The following WDFY1 variants were observed in gnomAD, a reference collection of about 807,000 sequenced individuals.
WDFY1 encodes the protein WD repeat and FYVE domain-containing protein 1.
WDFY1 carries 32 observed loss-of-function variants against 56.4 expected under a neutral mutation model. The ratio of observed to expected loss-of-function variants is 0.57; its 90% confidence interval spans 0.43 to 0.76. The LOEUF (loss-of-function observed/expected upper bound fraction) is 0.76, where lower values mean the gene tolerates loss of function less well. Ranked by LOEUF, WDFY1 falls within the 30% of genes least tolerant of loss-of-function variation. WDFY1 has a pLI of 0.00. For missense variants in WDFY1, 480 were observed against 545.7 expected (o/e 0.88, Z 1.20); for synonymous variants, 192 against 197.3 (o/e 0.97, Z 0.23).
At chr2:223,910,797 A>G (rs1356365427) in intron 3 of WDFY1, among the ~76,000 whole-genome samples, 1 of 152,328 alleles carries the variant, frequency 6.6e-6, no homozygotes, top group East Asian at 1.9e-4. Context: ...AGAGCCGGAA[A>G]CCTTGCGTGT....
intron 1 of WDFY1, among the ~76,000 whole-genome samples, chr2:223,920,536 A>G (rs1693870409): frequency 6.6e-6 from 1 of 152,258 alleles, no homozygotes; most frequent in Non-Finnish European, 1.5e-5. Context: ...CAAGAGAAGA[A>G]CAGGGTGGAA....
intron 1 of WDFY1, among the ~76,000 whole-genome samples, chr2:223,918,845 G>A (rs1409799338): frequency 6.6e-6 from 1 of 152,152 alleles, no homozygotes; most frequent in Non-Finnish European, 1.5e-5. Context: ...AGCAGGCTCG[G>A]GCTTGGGCAT....
At chr2:223,920,322 C>T (rs1427144848) in intron 1 of WDFY1, among the ~76,000 whole-genome samples, 3 of 152,196 alleles carry the variant, frequency 2.0e-5, no homozygotes, top group East Asian at 1.9e-4. Context: ...GCTGGGCCCA[C>T]GCGGCCAGGC....
chr2:223,928,635 G>A (rs1369353518), intron 1 of WDFY1, among the ~76,000 whole-genome samples: 5 of 152,234 alleles, frequency 3.3e-5, no homozygotes, highest in Admixed American at 6.5e-5. Context: ...CTCCCTAAGA[G>A]TCTATCCTTT....
chr2:223,930,690 A>G (rs1289031905), intron 1 of WDFY1, among the ~76,000 whole-genome samples: 5 of 152,212 alleles, frequency 3.3e-5, no homozygotes, highest in Admixed American at 2.0e-4. Context: ...GGGTGCTAGT[A>G]CTGGGTCCTG....
intron 4 of WDFY1, among the ~76,000 whole-genome samples, chr2:223,901,628 ATT>A (rs149356094): frequency 3.7e-4 from 54 of 144,342 alleles, no homozygotes; most frequent in South Asian, 8.9e-4. Flanking sequence ...TAGAGAACAG[ATT>A]TTTTTTTTTT....
intron 8 of WDFY1, among the ~76,000 whole-genome samples, chr2:223,886,421 A>G (rs1693174803): frequency 6.6e-6 from 1 of 151,666 alleles, no homozygotes; most frequent in African/African-American, 2.4e-5. Context: ...ATTCTAAGAC[A>G]AACCTGCTAA....
intron 5 of WDFY1, chr2:223,900,982 A>C: frequency 3.7e-6 from 2 of 542,126 alleles, no homozygotes; most frequent in Non-Finnish European, 3.1e-6. Context: ...TTTTCAGTGA[A>C]ATATGTATTA....
intron 5 of WDFY1, among the ~76,000 whole-genome samples, chr2:223,900,135 A>T (rs1693480049): frequency 6.6e-6 from 1 of 152,254 alleles, no homozygotes; most frequent in Admixed American, 6.5e-5. Flanking sequence ...AGCTATTTAC[A>T]GTAGGATAAC....
intron 1 of WDFY1, among the ~76,000 whole-genome samples, chr2:223,943,071 C>A (rs1689340324): frequency 6.6e-6 from 1 of 151,404 alleles, no homozygotes; most frequent in Non-Finnish European, 1.5e-5. Flanking sequence ...GTCCCAGCTA[C>A]TCAGGAGGTT....
chr2:223,921,536 AC>A (rs576400914), intron 1 of WDFY1, among the ~76,000 whole-genome samples: 223 of 152,318 alleles, frequency 1.5e-3, no homozygotes, highest in Non-Finnish European at 2.4e-3. Context: ...AAATAGGTAG[AC>A]TTACTTAAAT....
At chr2:223,932,117 C>CTTTTTTTTTT (rs35246074) in intron 1 of WDFY1, among the ~76,000 whole-genome samples, 2 of 93,984 alleles carry the variant, frequency 2.1e-5, no homozygotes, top group Non-Finnish European at 3.9e-5. Context: ...GTATGAGTAC[C>CTTTTTTTTTT]TTTTTTTTTT....
intron 1 of WDFY1, among the ~76,000 whole-genome samples, chr2:223,940,987 T>C (rs1443765373): frequency 6.6e-6 from 1 of 152,172 alleles, no homozygotes; most frequent in Non-Finnish European, 1.5e-5. Context: ...CACGCCCAGC[T>C]AATTTTGTAT....
intron 7 of WDFY1, 38 bp from the exon 8 acceptor site, chr2:223,894,377 C>A (rs368188961): frequency 1.2e-6 from 2 of 1,604,048 alleles, no homozygotes; most frequent in Non-Finnish European, 8.5e-7. Flanking sequence ...TGTCTCCATG[C>A]GGAAAAACAC....
Position 223,876,339 on chromosome 2 carries a change from C to T in WDFY1, c.*2332G>A, listed in dbSNP as rs905473407. The T allele has an allele frequency of 3.3e-5, 5 of 152,540 alleles. No individual in the cohort carries two copies. Among genetic ancestry groups the T allele is most frequent in the African/African-American group, 1.2e-4 (5 of 41,428 alleles). The allele number at this position is 152,540 out of a possible 1,614,324, so 9.4% of individuals were successfully genotyped here. A position where few individuals can be genotyped will look rare whatever the true frequency, so the allele number is the denominator to read the frequency against. On this transcript the variant is annotated 3_prime_UTR_variant, in exon 12 of 12. Transcript: ENST00000233055. The stretch of plus-strand genomic sequence containing the variant: ...GTCAAAATAAGGCAATAACCATCAG[C>T]CTATCTGTACTTTTCTTCTGTGCCT...
rs1214666991 is a variant in WDFY1, at chr2:223,876,224, GTACA to G, written c.*2443_*2446del. 2 of 152,086 alleles carry G rather than the reference GTACA, an allele frequency of 1.3e-5. No individual in the cohort carries two copies. The highest frequency in any genetic ancestry group is 2.4e-5 in the African/African-American group (1 of 41,250). The allele number at this position is 152,086 out of a possible 1,614,324, so 9.4% of individuals were successfully genotyped here. A position where few individuals can be genotyped will look rare whatever the true frequency, so the allele number is the denominator to read the frequency against. On this transcript the variant is annotated 3_prime_UTR_variant, in exon 12 of 12. Transcript: ENST00000233055. ...AGTCTGTATTCCTTAATCCCTATCT[GTACA>G]AATTAGCCTGCATATTCAGGAATGG...
intron 1 of WDFY1, among the ~76,000 whole-genome samples, chr2:223,930,783 GA>G (rs909349081): frequency 4.7e-4 from 72 of 152,330 alleles, no homozygotes; most frequent in African/African-American, 1.6e-3. Context: ...GAGGACAAAT[GA>G]CGACATGGGA....
intron 9 of WDFY1, among the ~76,000 whole-genome samples, chr2:223,883,230 C>A (rs1169200132): frequency 6.6e-6 from 1 of 152,126 alleles, no homozygotes; most frequent in Non-Finnish European, 1.5e-5. Context: ...GAAACTAATG[C>A]CCATAATCAT....
rs551104017 is a variant in WDFY1, at chr2:223,914,181, T to C, written c.206-1855A>G. On this transcript the variant is annotated intron_variant, in intron 2 of 11. Transcript: ENST00000233055. ...CAGGCTAATTCTTGTATTTTTAGTA[T>C]AGACAGGGTTTCACCATGTTGGCCA... Among the ~76,000 whole-genome samples, 7 of 151,876 alleles carry C rather than the reference T, an allele frequency of 4.6e-5. 1 individual carries two copies. The highest frequency in any genetic ancestry group is 3.9e-4 in the East Asian group (2 of 5,162).
Sources: gnomAD v4.1 joint callset for allele counts (sites outside exome capture counted in the v4.1 genomes callset) on GRCh38, gnomAD v4.1.1 for gene constraint, MANE v1.5 for transcripts, NCBI Gene and HGNC (gene_info 2026-07-23, HGNC 2026-07-21) for gene names.